Variants in AGAP1 observed in about 807,000 individuals in gnomAD.
The protein encoded by AGAP1 is ArfGAP with GTPase domain, ankyrin repeat and PH domain 1, also known as arf-GAP with GTPase, ANK repeat and PH domain-containing protein 1.
AGAP1 carries 29 observed loss-of-function variants against 105.3 expected under a neutral mutation model. The ratio of observed to expected loss-of-function variants is 0.28; its 90% CI spans 0.21 to 0.38. The LOEUF is 0.38. AGAP1 is among the 10% of genes least tolerant of loss of function. The pLI, the probability that AGAP1 is intolerant of heterozygous loss-of-function variation, is 1.00. For synonymous variants in AGAP1, 509 were observed against 485.9 expected, an observed-to-expected ratio of 1.05 and a Z score of -0.63; for missense variants, 998 against 1,165.1, an observed-to-expected ratio of 0.86 and a Z score of 2.09.
chr2:235,997,527 C>G (rs1293866124), intron 13 of AGAP1, among the ~76,000 whole-genome samples: 2 of 152,144 alleles, frequency 1.3e-5, no homozygotes, highest in African/African-American at 4.8e-5. Context: ...TTTTGTGAGG[C>G]CTGGAGCCCT....
rs916416007 is a variant in AGAP1 at position 235,889,622 on chromosome 2, T to C, written c.1155+6173T>C. ...TGTTTAGGAGACCAGTAATCCCTAG[T>C]TCCTTTGACTTGCAGCTCAGCCTCA... On this transcript the variant is annotated intron_variant, in intron 10 of 17. Transcript: ENST00000304032. This position sits in a 1 kb window ranked among gnomAD's most constrained non-coding sequence, Gnocchi z 4.6. Among the ~76,000 whole-genome samples, 5 of 151,792 alleles carry C rather than the reference T, an allele frequency of 3.3e-5. No individual in the cohort carries two copies. Among genetic ancestry groups the C allele is most frequent in the African/African-American group, 1.2e-4 (5 of 41,292 alleles).
In AGAP1 at chr2:236,120,590, G is replaced by A. The variant is rs1239303544; in HGVS notation, c.2370+143G>A. Reference sequence around the variant, plus strand: ...CAGTTCCTAATGGGAAACTCTGATTGAAGAGCAGAGGGCCTTACGGAGAGA... The same window carrying A: ...CAGTTCCTAATGGGAAACTCTGATTAAAGAGCAGAGGGCCTTACGGAGAGA... On this transcript the variant is annotated intron_variant, in intron 17 of 17. Transcript: ENST00000304032. The surrounding 1 kb of genome is among the most constrained non-coding windows in gnomAD (Gnocchi z 6.0). 3 of 1,436,092 alleles carry A rather than the reference G, an allele frequency of 2.1e-6. No homozygotes were observed. The highest frequency in any genetic ancestry group is 2.8e-5 in the African/African-American group (2 of 70,598). 89.0% of individuals were successfully genotyped at this position (1,436,092 alleles called of 1,614,324 possible). A position where few individuals can be genotyped will look rare whatever the true frequency, so the allele number is the denominator to read the frequency against.
intron 13 of AGAP1, among the ~76,000 whole-genome samples, chr2:235,987,200 G>A (rs1218702215): frequency 6.6e-6 from 1 of 151,546 alleles, no homozygotes; most frequent in African/African-American, 2.4e-5. Flanking sequence ...TCTATTCAGG[G>A]ATTTGACTTC....
chr2:235,921,842 CCT>C (rs1479636519), intron 11 of AGAP1, among the ~76,000 whole-genome samples: 1 of 152,160 alleles, frequency 6.6e-6, no homozygotes, highest in Non-Finnish European at 1.5e-5. Context: ...GAAAAAAAAT[CCT>C]CTCAGCCTGA....
At chr2:236,067,714 G>A (rs1055150577) in intron 16 of AGAP1, among the ~76,000 whole-genome samples, 7 of 152,214 alleles carry the variant, frequency 4.6e-5, no homozygotes, top group Non-Finnish European at 8.8e-5. Flanking sequence ...CTGTTCTGGG[G>A]AAGAAACCTC....
At position 235,750,121 on chromosome 2, in the gene AGAP1, T is replaced by C. The variant is rs1953308623; in HGVS notation, c.539-233T>C. On this transcript the variant is annotated intron_variant, in intron 5 of 17. Coordinates refer to ENST00000304032, the MANE Select transcript of AGAP1 (RefSeq NM_001037131.3). This position sits in a 1 kb window ranked among gnomAD's most constrained non-coding sequence, Gnocchi z 5.3. ...GTCTTTTTCCTTCTTTCTGAACATT[T>C]TAAAATTGCAGTTTCAGAAGCGCTC... Among the ~76,000 whole-genome samples, 2 of 152,216 alleles carry C rather than the reference T, an allele frequency of 1.3e-5. No individual in the cohort carries two copies. Among genetic ancestry groups the C allele is most frequent in the Admixed American group, 6.5e-5 (1 of 15,280 alleles).
chr2:235,706,580 G>C (rs1950548760), intron 1 of AGAP1, among the ~76,000 whole-genome samples: 1 of 152,124 alleles, frequency 6.6e-6, no homozygotes, highest in Non-Finnish European at 1.5e-5. Context: ...CATTTGTGAG[G>C]ATCCTATCCA....
rs1158072025 is a variant in AGAP1 at position 235,981,962 on chromosome 2, AGGG to A, written c.1645+13341_1645+13343del. On this transcript the variant is annotated intron_variant, in intron 13 of 17. Coordinates refer to ENST00000304032, the MANE Select transcript of AGAP1 (RefSeq NM_001037131.3). The surrounding 1 kb of genome is among the most constrained non-coding windows in gnomAD (Gnocchi z 5.5). ...CTACAGAAGAAGTTCATATAAAATA[AGGG>A]GTTTTATTATGGGTTATCTGAAGAG... Among the ~76,000 whole-genome samples, 2 of 152,232 alleles carry A rather than the reference AGGG, an allele frequency of 1.3e-5. No individual in the cohort carries two copies. The highest frequency in any genetic ancestry group is 2.9e-5 in the Non-Finnish European group (2 of 68,030).
At chr2:236,025,956 A>G (rs902363601) in intron 13 of AGAP1, among the ~76,000 whole-genome samples, 12 of 152,086 alleles carry the variant, frequency 7.9e-5, no homozygotes, top group Admixed American at 6.6e-4. Flanking sequence ...GTCTTATGTA[A>G]CGAACTGTAG....
At chr2:235,688,830 C>T (rs1053797061) in intron 1 of AGAP1, among the ~76,000 whole-genome samples, 6 of 152,164 alleles carry the variant, frequency 3.9e-5, no homozygotes, top group African/African-American at 7.2e-5. Context: ...CCCCTCATCC[C>T]GCCCCTCATT....
intron 15 of AGAP1, among the ~76,000 whole-genome samples, chr2:236,041,195 C>G (rs747681213): frequency 1.2e-3 from 179 of 152,072 alleles, no homozygotes; most frequent in Middle Eastern, 6.8e-3. Context: ...GAACCCGTCT[C>G]TACAGAAAAT....
Position 235,701,098 on chromosome 2 carries a change from A to G in AGAP1, c.164-8081A>G, listed in dbSNP as rs989008293. ...GTTATATGTATATATTATATACTCT[A>G]TAATATAGTTATATGTACATATTAT... On this transcript the variant is annotated intron_variant, in intron 1 of 17. Transcript: ENST00000304032. The surrounding 1 kb of genome is among the most constrained non-coding windows in gnomAD (Gnocchi z 4.1). 1.4e-5 allele frequency among the ~76,000 whole-genome samples: 2 copies of G among 139,986 alleles called. No individual in the cohort carries two copies. The highest frequency in any genetic ancestry group is 2.6e-5 in the African/African-American group (1 of 38,288). The allele number at this position is 139,986 out of a possible 152,430, so 91.8% of individuals were successfully genotyped here.
chr2:235,811,125 G>T (rs1958115181), intron 9 of AGAP1, among the ~76,000 whole-genome samples: 1 of 152,100 alleles, frequency 6.6e-6, no homozygotes, highest in African/African-American at 2.4e-5. Context: ...TCTGTTTGGG[G>T]GACAGCAGCT....
rs2049218718 is a variant in AGAP1 at position 235,867,287 on chromosome 2, C to T, written c.1051-16058C>T. On this transcript the variant is annotated intron_variant, in intron 9 of 17. Transcript: ENST00000304032. The surrounding 1 kb of genome is among the most constrained non-coding windows in gnomAD (Gnocchi z 5.4). ...CATGGGTCGTGTGGTTTCTCCTGAA[C>T]TACCTACCTCTCCCAGTTCAGGGCA... Among the ~76,000 whole-genome samples the T allele has an allele frequency of 1.3e-5, 2 of 152,186 alleles. No homozygotes were observed. Among genetic ancestry groups the T allele is most frequent in the African/African-American group, 4.8e-5 (2 of 41,442 alleles).
Position 235,620,382 on chromosome 2 carries a change from T to C in AGAP1, c.164-88797T>C, listed in dbSNP as rs1395653461. Among the ~76,000 whole-genome samples, 2 of 152,168 alleles carry C rather than the reference T, an allele frequency of 1.3e-5. No homozygotes were observed. Among genetic ancestry groups the C allele is most frequent in the African/African-American group, 4.8e-5 (2 of 41,460 alleles). On this transcript the variant is annotated intron_variant, in intron 1 of 17. Transcript: ENST00000304032. This position sits in a 1 kb window ranked among gnomAD's most constrained non-coding sequence, Gnocchi z 4.5. ...CCTGAGAAGCCGGGTCAGAGTGTGA[T>C]GCCCTCTGCCAAAACCTCCTCCTGG...
At position 235,698,518 on chromosome 2, in the gene AGAP1, C is replaced by CAAG. The variant is rs1950105710; in HGVS notation, c.164-10661_164-10660insAAG. Among the ~76,000 whole-genome samples, 8 of 152,336 alleles carry CAAG rather than the reference C, an allele frequency of 5.3e-5. No homozygotes were observed. In the South Asian group the frequency reaches 1.7e-3, roughly 32 times the overall value. On this transcript the variant is annotated intron_variant, in intron 1 of 17. Transcript: ENST00000304032. ...ACTTGTACCTTTTCATAAAATATCC[C>CAAG]TATTCAACATTTTCACTTTCAAGGA...
rs555572009 is a variant in AGAP1, at chr2:235,694,572, T to G, written c.164-14607T>G. Reference sequence around the variant, plus strand: ...CTGAGGCAAGAGAATTGCTTTAACCTGGGAGGTGGAGGTTGCAGTCAGCCG... The same window carrying G: ...CTGAGGCAAGAGAATTGCTTTAACCGGGGAGGTGGAGGTTGCAGTCAGCCG... On this transcript the variant is annotated intron_variant, in intron 1 of 17. Transcript: ENST00000304032. 3.4e-5 allele frequency among the ~76,000 whole-genome samples: 5 copies of G among 149,120 alleles called. No homozygotes were observed. In the South Asian group the frequency reaches 1.1e-3, roughly 32 times the overall value.
At position 236,126,702 on chromosome 2, in the gene AGAP1, C is replaced by G. The variant is rs1197970502; in HGVS notation, c.*2580C>G. 6.6e-6 allele frequency: 1 copy of G among 152,104 alleles called. No individual in the cohort carries two copies. The highest frequency in any genetic ancestry group is 2.4e-5 in the African/African-American group (1 of 41,408). The allele number at this position is 152,104 out of a possible 1,614,324, so 9.4% of individuals were successfully genotyped here. On this transcript the variant is annotated 3_prime_UTR_variant, in exon 18 of 18. Transcript: ENST00000304032. ...TCAGTGATGTCCATCTGCTCCACTC[C>G]GCAGCCACTTTCTAGGGCCCAAGTT... is the stretch of plus-strand genomic sequence containing the variant.
intron 5 of AGAP1, among the ~76,000 whole-genome samples, chr2:235,746,377 C>CTTTTTTTTTTT (rs1172393048): frequency 0.011 from 590 of 55,558 alleles, 114 homozygotes; most frequent in South Asian, 0.021. Flanking sequence ...CCTCCCCCAA[C>CTTTTTTTTTTT]TTTTTTTTTT....
Sources: allele counts gnomAD v4.1 joint callset (sites outside exome capture counted in the v4.1 genomes callset), GRCh38; gene constraint gnomAD v4.1.1; non-coding constraint Gnocchi (gnomAD v3.1); transcripts MANE v1.5; gene names NCBI Gene and HGNC (gene_info 2026-07-23, HGNC 2026-07-21).